The following KCNK13 variants were observed in gnomAD, a reference collection of about 807,000 sequenced individuals.
KCNK13 encodes the protein potassium channel subfamily K member 13.
In KCNK13, 12 loss-of-function variants were observed where a neutral mutation model predicts 23.4. The observed-to-expected ratio is 0.51, with a 90% CI of 0.33 to 0.83. The LOEUF (loss-of-function observed/expected upper bound fraction) is 0.83. Ranked by LOEUF, KCNK13 falls within the 40% of genes least tolerant of loss-of-function variation. The pLI is 0.02. For synonymous variants in KCNK13, 231 were observed against 229.5 expected (o/e 1.01, Z -0.06); for missense variants, 463 against 556.3 (o/e 0.83, Z 1.69).
intron 1 of KCNK13, among the ~76,000 whole-genome samples, chr14:90,154,593 G>T (rs1338090339): frequency 6.6e-6 from 1 of 152,210 alleles, no homozygotes; most frequent in Non-Finnish European, 1.5e-5. Context: ...TTGCGTGATT[G>T]GTTACAATGA....
chr14:90,110,294 T>G (rs565393444), intron 1 of KCNK13, among the ~76,000 whole-genome samples: 1 of 151,168 alleles, frequency 6.6e-6, no homozygotes, highest in African/African-American at 2.4e-5. Context: ...GGTGGATGAC[T>G]TGAGGTCAGA....
At chr14:90,068,555 G>C (rs1015032416) in intron 1 of KCNK13, among the ~76,000 whole-genome samples, 1 of 152,152 alleles carries the variant, frequency 6.6e-6, no homozygotes, top group Non-Finnish European at 1.5e-5. Context: ...AGTGAACCAT[G>C]ATCATGCCAC....
At chr14:90,117,019 G>A (rs1889684906) in intron 1 of KCNK13, among the ~76,000 whole-genome samples, 1 of 151,984 alleles carries the variant, frequency 6.6e-6, no homozygotes, top group African/African-American at 2.4e-5. Context: ...AATTTATAAG[G>A]CACAGTAAGA....
chr14:90,127,028 G>A (rs1200435353), intron 1 of KCNK13, among the ~76,000 whole-genome samples: 1 of 152,092 alleles, frequency 6.6e-6, no homozygotes, highest in African/African-American at 2.4e-5. Flanking sequence ...TCCTAGAAGA[G>A]AGAAAAGACA....
Position 90,185,058 on chromosome 14 carries a change from C to A in KCNK13, c.*55C>A, listed in dbSNP as rs1233687232. The A allele has an allele frequency of 6.3e-6, 9 of 1,438,874 alleles. No individual in the cohort carries two copies. The South Asian group carries it at 9.8e-5, about 16-fold the overall frequency. The allele number at this position is 1,438,874 out of a possible 1,614,324, so 89.1% of individuals were successfully genotyped here. A position where few individuals can be genotyped will look rare whatever the true frequency, so the allele number is the denominator to read the frequency against. ...AGAGTAGAATGGAGGATGATTGCCG[C>A]CCAGGGGACGAGCTCAGCCCTGCGC... On this transcript the variant is annotated 3_prime_UTR_variant, in exon 2 of 2. Coordinates refer to ENST00000282146, the MANE Select transcript of KCNK13 (RefSeq NM_022054.4).
At chr14:90,172,872 G>A (rs940030393) in intron 1 of KCNK13, among the ~76,000 whole-genome samples, 7 of 152,276 alleles carry the variant, frequency 4.6e-5, no homozygotes, top group South Asian at 2.1e-4. Context: ...TTTTCAATCA[G>A]AGAAATGAGT....
intron 1 of KCNK13, among the ~76,000 whole-genome samples, chr14:90,094,587 G>A (rs908882118): frequency 2.0e-5 from 3 of 151,932 alleles, no homozygotes; most frequent in Non-Finnish European, 4.4e-5. Context: ...AGCACCACTG[G>A]GTTTATTTGG....
At chr14:90,138,060 C>T (rs1240726041) in intron 1 of KCNK13, among the ~76,000 whole-genome samples, 1 of 151,990 alleles carries the variant, frequency 6.6e-6, no homozygotes, top group African/African-American at 2.4e-5. Context: ...GTACCCATAA[C>T]AGAGAAAAAA....
rs181966649 is a variant in KCNK13, at chr14:90,075,548, G to A, written c.334+13009G>A. 9.2e-4 allele frequency among the ~76,000 whole-genome samples: 139 copies of A among 151,912 alleles called. 1 individual carries two copies. Among genetic ancestry groups the A allele is most frequent in the Middle Eastern group, 3.4e-3 (1 of 294 alleles). ...GGCTGGAGTGCAGTGGCACAATTTC[G>A]GCTCACTGCAATCTCCACCTCCCAG... On this transcript the variant is annotated intron_variant, in intron 1 of 1. Transcript: ENST00000282146.
chr14:90,141,175 T>A (rs1890001125), intron 1 of KCNK13, among the ~76,000 whole-genome samples: 1 of 152,210 alleles, frequency 6.6e-6, no homozygotes, highest in Admixed American at 6.5e-5. Flanking sequence ...GTTGACTGCA[T>A]TCCCAGGAGG....
intron 1 of KCNK13, among the ~76,000 whole-genome samples, chr14:90,132,618 T>C (rs1362486763): frequency 6.6e-6 from 1 of 151,888 alleles, no homozygotes; most frequent in Non-Finnish European, 1.5e-5. Flanking sequence ...AATAGGGAAT[T>C]ATTTAGTGGG....
intron 1 of KCNK13, among the ~76,000 whole-genome samples, chr14:90,144,495 C>CTCTTT (rs1555352214): frequency 0.016 from 1,901 of 119,180 alleles, 84 homozygotes; most frequent in African/African-American, 0.056. Context: ...TTTACTTTCT[C>CTCTTT]TTTTTTTTTT....
At chr14:90,177,019 A>G (rs1890429772) in intron 1 of KCNK13, among the ~76,000 whole-genome samples, 2 of 152,104 alleles carry the variant, frequency 1.3e-5, no homozygotes, top group Admixed American at 1.3e-4. Context: ...ACTCCATCTC[A>G]AAAAATAAAA....
At position 90,174,493 on chromosome 14, in the gene KCNK13, C is replaced by A. The variant is rs141164538; in HGVS notation, c.335-9618C>A. ...TTTGGGTGGGGACTCAGAGCCAAAC[C>A]ATATCACGTAGATTCAAAGATTTTC... On this transcript the variant is annotated intron_variant, in intron 1 of 1. Coordinates refer to ENST00000282146, the MANE Select transcript of KCNK13 (RefSeq NM_022054.4). Among the ~76,000 whole-genome samples the A allele has an allele frequency of 3.5e-3, 528 of 152,182 alleles. 2 individuals carry two copies. Among genetic ancestry groups the A allele is most frequent in the African/African-American group, 0.012 (508 of 41,526 alleles).
At chr14:90,089,426 T>G (rs1209358607) in intron 1 of KCNK13, among the ~76,000 whole-genome samples, 2 of 152,164 alleles carry the variant, frequency 1.3e-5, no homozygotes, top group Non-Finnish European at 2.9e-5. Flanking sequence ...AAAAGAAATC[T>G]CTAAGCAGCA....
chr14:90,131,801 C>G (rs80304428), intron 1 of KCNK13, among the ~76,000 whole-genome samples: 1 of 152,118 alleles, frequency 6.6e-6, no homozygotes, highest in East Asian at 1.9e-4. Flanking sequence ...AGTGAGGAGA[C>G]AGAGAAATTG....
chr14:90,106,836 A>G (rs564121324), intron 1 of KCNK13, among the ~76,000 whole-genome samples: 3 of 152,100 alleles, frequency 2.0e-5, no homozygotes, highest in Admixed American at 6.5e-5. Context: ...AGCCTGGCCA[A>G]CATGGCGAAA....
At chr14:90,114,426 T>C (rs921323448) in intron 1 of KCNK13, among the ~76,000 whole-genome samples, 4 of 152,154 alleles carry the variant, frequency 2.6e-5, no homozygotes, top group Admixed American at 1.3e-4. Flanking sequence ...TTAAGTGGTC[T>C]GGGGCATGAC....
rs142871360 is a variant in KCNK13, at chr14:90,088,959, G to A, written c.334+26420G>A. 2.6e-5 allele frequency among the ~76,000 whole-genome samples: 4 copies of A among 152,276 alleles called. No individual in the cohort carries two copies. In the East Asian group the frequency reaches 7.7e-4, roughly 29 times the overall value. On this transcript the variant is annotated intron_variant, in intron 1 of 1. Coordinates refer to ENST00000282146, the MANE Select transcript of KCNK13 (RefSeq NM_022054.4). ...TCCTTGTCTTCTGCCATGATTGTAA[G>A]GCCCCCCAGCCATGTGGAACGTAAG...
Sources: gnomAD v4.1 joint callset for allele counts (sites outside exome capture counted in the v4.1 genomes callset) on GRCh38, gnomAD v4.1.1 for gene constraint, MANE v1.5 for transcripts, NCBI Gene and HGNC (gene_info 2026-07-23, HGNC 2026-07-21) for gene names.